NCOR2: variants seen among roughly 807,000 people sequenced by gnomAD.
NCOR2 encodes the protein CTG repeat protein 26.
A neutral mutation model predicts 262.9 loss-of-function variants in NCOR2; 81 were observed. The ratio of observed to expected loss-of-function variants is 0.31; its 90% CI spans 0.26 to 0.37. NCOR2 has a LOEUF of 0.37. Ranked by LOEUF, NCOR2 falls within the 10% of genes least tolerant of loss-of-function variation. The pLI, the probability that NCOR2 is intolerant of heterozygous loss-of-function variation, is 1.00. For synonymous variants in NCOR2, 1,659 were observed against 1,559.3 expected (o/e 1.06, Z -1.51); for missense variants, 3,385 against 3,621.4 (o/e 0.93, Z 1.68).
At chr12:124,339,663 C>T (rs2036256330) in intron 37 of NCOR2, among the ~76,000 whole-genome samples, 1 of 74,392 alleles carries the variant, frequency 1.3e-5, no homozygotes, top group South Asian at 3.5e-4. Context: ...TCTATCCTTC[C>T]ACCCACCCAC....
chr12:124,354,080 C>A lies in NCOR2; in HGVS notation c.3693+13G>T. 6.2e-7 allele frequency: 1 copy of A among 1,604,916 alleles called. No homozygotes were observed. The highest frequency in any genetic ancestry group is 1.1e-5 in the South Asian group (1 of 90,060). ...TCCCAACCGTCCTTCCTGCCGCACC[C>A]CAGGACACCTACGTGGGTGATGGAG... On this transcript the variant is annotated intron_variant, in intron 27 of 46. Coordinates refer to ENST00000405201, the Ensembl canonical transcript of NCOR2.
chr12:124,430,727 G>T (rs780633770), exon 9 of NCOR2: 1 of 1,614,128 alleles, frequency 6.2e-7, no homozygotes, highest in Non-Finnish European at 8.5e-7. Context: ...TTCTCGATGC[G>T]CTCCACCTTC....
chr12:124,500,327 C>T (rs1422878516), intron 1 of NCOR2, among the ~76,000 whole-genome samples: 1 of 152,178 alleles, frequency 6.6e-6, no homozygotes, highest in Non-Finnish European at 1.5e-5. Flanking sequence ...AGGGGTCTGT[C>T]CCTGGGCCAT....
At chr12:124,383,071 G>C (rs984265748) in intron 17 of NCOR2, among the ~76,000 whole-genome samples, 2 of 152,182 alleles carry the variant, frequency 1.3e-5, no homozygotes, top group Non-Finnish European at 2.9e-5. Context: ...AATCGTGAGT[G>C]TGCCACCACC....
At chr12:124,394,360 C>G (rs2041520867) in intron 16 of NCOR2, among the ~76,000 whole-genome samples, 1 of 152,172 alleles carries the variant, frequency 6.6e-6, no homozygotes, top group South Asian at 2.1e-4. Context: ...ATGGGGAGGT[C>G]GGTATGCCCC....
intron 28 of NCOR2, among the ~76,000 whole-genome samples, chr12:124,349,947 T>C (rs964000643): frequency 6.6e-6 from 1 of 152,086 alleles, no homozygotes; most frequent in Non-Finnish European, 1.5e-5. Context: ...CGGTGCCACC[T>C]CCACCTCCCA....
chr12:124,561,363 C>T (rs2137294455), intron 1 of NCOR2, among the ~76,000 whole-genome samples: 1 of 152,346 alleles, frequency 6.6e-6, no homozygotes, highest in South Asian at 2.1e-4. Context: ...GCACTGGCCT[C>T]ACTTCAAGCC....
chr12:124,495,503 T>C (rs1049296821), upstream of NCOR2: 282 of 548,580 alleles, frequency 5.1e-4, no homozygotes, highest in Non-Finnish European at 6.1e-4. This position sits in a 1 kb window ranked among gnomAD's most constrained non-coding sequence, Gnocchi z 4.4. Context: ...CCCTCCTCCA[T>C]CCACTGCCAC....
At chr12:124,391,464 T>C (rs1480699200) in intron 16 of NCOR2, among the ~76,000 whole-genome samples, 1 of 150,404 alleles carries the variant, frequency 6.6e-6, no homozygotes, top group East Asian at 2.0e-4. Flanking sequence ...TGGGCCTGAG[T>C]CATGCCACTT....
In NCOR2 at chr12:124,378,170, C is replaced by T. The variant is rs2040165192; in HGVS notation, c.2167+67G>A. On this transcript the variant is annotated intron_variant, in intron 18 of 46. Transcript: ENST00000405201. The surrounding 1 kb of genome is among the most constrained non-coding windows in gnomAD (Gnocchi z 4.2). ...AGAGGAGGCTGCCGGGATCAGTTCC[C>T]GCTATGCCCTCCCTCAGAGCTCGGA... 3.3e-5 allele frequency: 52 copies of T among 1,576,032 alleles called. 2 individuals carry two copies. In the South Asian group the frequency reaches 5.2e-4, roughly 16 times the overall value.
intron 10 of NCOR2, 61 bp from the exon 13 acceptor site, chr12:124,426,861 G>C: frequency 1.4e-6 from 2 of 1,466,130 alleles, no homozygotes; most frequent in Non-Finnish European, 1.8e-6. Context: ...GCCGGCGCAG[G>C]GGACCCAGGG....
chr12:124,400,388 C>T, intron 15 of NCOR2, 113 bp downstream of exon 17: 1 of 1,426,638 alleles, frequency 7.0e-7, no homozygotes, highest in South Asian at 1.3e-5. Flanking sequence ...CCATGACTTA[C>T]ACCAACCCCT....
Position 124,454,565 on chromosome 12 carries a change from C to T in NCOR2, c.762+2541G>A, listed in dbSNP as rs531115371. 2.1e-3 allele frequency among the ~76,000 whole-genome samples: 319 copies of T among 152,270 alleles called. No homozygotes were observed. Among genetic ancestry groups the T allele is most frequent in the Non-Finnish European group, 3.1e-3 (210 of 68,028 alleles). On this transcript the variant is annotated intron_variant, in intron 6 of 46. Coordinates refer to ENST00000405201, the Ensembl canonical transcript of NCOR2. The surrounding 1 kb of genome is among the most constrained non-coding windows in gnomAD (Gnocchi z 5.6). ...CACAGGCCCTTTCCCCCAGGAGGCC[C>T]CCGGGGACCAATCAGGAAACGGGAG...
chr12:124,343,928 G>A lies in NCOR2; in HGVS notation c.4714+669C>T, dbSNP rs187444272. On this transcript the variant is annotated intron_variant, in intron 32 of 46. Transcript: ENST00000405201. ...CAGGTGTGAGCCACCATGCCTGGCC[G>A]GAAGACAATTTTAAAATGTCACAGC... Among the ~76,000 whole-genome samples the A allele has an allele frequency of 1.1e-3, 168 of 152,230 alleles. 2 individuals are homozygous for A. The highest frequency in any genetic ancestry group is 3.7e-3 in the African/African-American group (153 of 41,528).
rs1350703380 is a variant in NCOR2, at chr12:124,482,555, C to G, written c.411+1041G>C. Among the ~76,000 whole-genome samples the G allele has an allele frequency of 6.6e-6, 1 of 152,220 alleles. No homozygotes were observed. Among genetic ancestry groups the G allele is most frequent in the African/African-American group, 2.4e-5 (1 of 41,462 alleles). ...ACAGCCGAGCCCTCTACCCACATGA[C>G]CAGGTGACACCCTGCCCACAAGGTC... On this transcript the variant is annotated intron_variant, in intron 3 of 46. Transcript: ENST00000405201. The surrounding 1 kb of genome is among the most constrained non-coding windows in gnomAD (Gnocchi z 6.3).
chr12:124,501,056 ACGCGCG>A (rs1203168465), intron 1 of NCOR2, among the ~76,000 whole-genome samples: 1 of 49,338 alleles, frequency 2.0e-5, no homozygotes, highest in East Asian at 5.1e-4. Flanking sequence ...GCGCGCGCGC[ACGCGCG>A]CACACACACA....
At chr12:124,456,303 A>G (rs2045851924) in intron 6 of NCOR2, among the ~76,000 whole-genome samples, 1 of 152,224 alleles carries the variant, frequency 6.6e-6, no homozygotes, top group Non-Finnish European at 1.5e-5. Context: ...CACCACGGCC[A>G]TCCATGCTGA....
At chr12:124,439,747 G>C (rs1403662996) in intron 7 of NCOR2, among the ~76,000 whole-genome samples, 5 of 152,036 alleles carry the variant, frequency 3.3e-5, no homozygotes, top group Non-Finnish European at 7.4e-5. Flanking sequence ...CAGAGAGAGA[G>C]AGAGAGGCAG....
At chr12:124,410,542 T>C (rs2042517466) in intron 13 of NCOR2, among the ~76,000 whole-genome samples, 2 of 152,036 alleles carry the variant, frequency 1.3e-5, no homozygotes, top group Admixed American at 1.3e-4. Flanking sequence ...CCACCTCCTC[T>C]GGCAGGCCTG....
Sources: allele counts gnomAD v4.1 joint callset (sites outside exome capture counted in the v4.1 genomes callset), GRCh38; gene constraint gnomAD v4.1.1; non-coding constraint Gnocchi (gnomAD v3.1); transcripts MANE v1.5; gene names NCBI Gene and HGNC (gene_info 2026-07-23, HGNC 2026-07-21).